LDHC: variants seen among roughly 807,000 people sequenced by gnomAD.
The protein encoded by LDHC is L-lactate dehydrogenase C chain.
A neutral mutation model predicts 30.2 loss-of-function variants in LDHC; 20 were observed. The ratio of observed to expected loss-of-function variants is 0.66; its 90% CI spans 0.47 to 0.96. The LOEUF (loss-of-function observed/expected upper bound fraction) is 0.96, where lower values mean the gene tolerates loss of function less well. Among genes scored for constraint, LDHC ranks in the 40% least tolerant of loss-of-function variants. The pLI is 0.00. For missense variants in LDHC, 362 were observed against 394.9 expected (o/e 0.92, Z 0.71); for synonymous variants, 139 against 132.7 (o/e 1.05, Z -0.32).
Position 18,446,190 on chromosome 11 carries a change from C to T in LDHC, c.711-20C>T, listed in dbSNP as rs768504627. On this transcript the variant is annotated intron_variant, in intron 6 of 7. Transcript: ENST00000541669. The stretch of plus-strand genomic sequence containing the variant: ...GTTGACTTATTATGAATTTGATTTT[C>T]TTACTTTCTACAACTGTAGTGCCTA... 35 of 1,585,516 alleles carry T rather than the reference C, an allele frequency of 2.2e-5. No homozygotes were observed. Among genetic ancestry groups the T allele is most frequent in the Non-Finnish European group, 2.8e-5 (33 of 1,158,580 alleles).
chr11:18,434,452 C>A (rs1189288823), intron 4 of LDHC, among the ~76,000 whole-genome samples: 1 of 152,094 alleles, frequency 6.6e-6, no homozygotes, highest in Non-Finnish European at 1.5e-5. Context: ...GCTGGGAATG[C>A]AGGTGTGTGC....
chr11:18,449,687 C>T (rs1848621823), intron 7 of LDHC, among the ~76,000 whole-genome samples: 1 of 152,086 alleles, frequency 6.6e-6, no homozygotes, highest in Non-Finnish European at 1.5e-5. Context: ...AATGAGGGAG[C>T]TGGACTATGG....
chr11:18,443,460 CTT>C (rs34546967), intron 6 of LDHC, among the ~76,000 whole-genome samples: 42 of 135,694 alleles, frequency 3.1e-4, no homozygotes, highest in African/African-American at 3.1e-4. Flanking sequence ...TTCTTTCTTT[CTT>C]TTTTTTTTTT....
chr11:18,447,383 C>T (rs142676548), intron 7 of LDHC, among the ~76,000 whole-genome samples: 14,903 of 152,118 alleles, frequency 0.098, 841 homozygotes, highest in Admixed American at 0.15. Context: ...AATCTGCCTG[C>T]CTCAGCCTCC....
intron 3 of LDHC, among the ~76,000 whole-genome samples, chr11:18,426,526 C>CA (rs33993685): frequency 0.53 from 58,764 of 111,398 alleles, 16,169 homozygotes; most frequent in South Asian, 0.65. Context: ...GACTCCGTCT[C>CA]AAAAAAAAAA....
Position 18,412,853 on chromosome 11 carries a change from A to G in LDHC, c.126+10A>G. 6.2e-7 allele frequency: 1 copy of G among 1,610,882 alleles called. No homozygotes were observed. Among genetic ancestry groups the G allele is most frequent in the African/African-American group, 1.3e-5 (1 of 74,896 alleles). Reference sequence around the variant, plus strand: ...TAGTATCTTACTGAAGGTGAGTGAGAAGCCCATCCTGTGGCTGAAAATCAA... The same window carrying G: ...TAGTATCTTACTGAAGGTGAGTGAGGAGCCCATCCTGTGGCTGAAAATCAA... On this transcript the variant is annotated intron_variant, in intron 2 of 7. Transcript: ENST00000541669.
chr11:18,443,095 C>T (rs1322023874), intron 6 of LDHC, among the ~76,000 whole-genome samples: 2 of 151,998 alleles, frequency 1.3e-5, no homozygotes, highest in East Asian at 3.8e-4. Flanking sequence ...TTAAGGGAAC[C>T]TACAAATGCT....
intron 6 of LDHC, among the ~76,000 whole-genome samples, chr11:18,445,798 C>T (rs993181949): frequency 6.6e-6 from 1 of 152,114 alleles, no homozygotes; most frequent in South Asian, 2.1e-4. Flanking sequence ...TGGCGAAACC[C>T]TGTATCTACA....
chr11:18,416,954 G>T (rs886141145), intron 3 of LDHC, among the ~76,000 whole-genome samples: 2 of 152,054 alleles, frequency 1.3e-5, no homozygotes, highest in African/African-American at 4.8e-5. Context: ...TACAATCTCA[G>T]CTCACCACAA....
rs549100125 is a variant in LDHC, at chr11:18,413,721, A to G, written c.126+878A>G. On this transcript the variant is annotated intron_variant, in intron 2 of 7. Transcript: ENST00000541669. ...CGTGATCCGCCTGCCTCAGCCTCCC[A>G]AAGTGCTGGGATTACAGGCATGAGC... Among the ~76,000 whole-genome samples the G allele has an allele frequency of 1.6e-3, 250 of 151,992 alleles. 2 individuals are homozygous for G. In the Middle Eastern group the frequency reaches 0.024, roughly 14 times the overall value.
At chr11:18,431,845 C>T (rs928426361) in intron 4 of LDHC, among the ~76,000 whole-genome samples, 8 of 152,144 alleles carry the variant, frequency 5.3e-5, no homozygotes, top group Non-Finnish European at 8.8e-5. Context: ...CCACTGCACC[C>T]GGCCTGCTCT....
chr11:18,443,819 C>T (rs1848505968), intron 6 of LDHC, among the ~76,000 whole-genome samples: 1 of 152,180 alleles, frequency 6.6e-6, no homozygotes, highest in Non-Finnish European at 1.5e-5. Flanking sequence ...TCACATTTCC[C>T]ATTGAAGTCC....
chr11:18,432,328 C>T (rs895286047), intron 4 of LDHC, among the ~76,000 whole-genome samples: 1 of 152,108 alleles, frequency 6.6e-6, no homozygotes, highest in African/African-American at 2.4e-5. Flanking sequence ...TCTGAGAGTG[C>T]TTGATATAAT....
chr11:18,434,449 A>ATGCAGG (rs1295996990), intron 4 of LDHC, among the ~76,000 whole-genome samples: 1 of 152,050 alleles, frequency 6.6e-6, no homozygotes, highest in Non-Finnish European at 1.5e-5. Context: ...GTAGCTGGGA[A>ATGCAGG]TGCAGGTGTG....
chr11:18,449,954 T>C (rs918438794), intron 7 of LDHC, among the ~76,000 whole-genome samples: 1 of 151,678 alleles, frequency 6.6e-6, no homozygotes, highest in African/African-American at 2.4e-5. Context: ...CCCTCCCTTC[T>C]CCCACAACCC....
intron 6 of LDHC, among the ~76,000 whole-genome samples, chr11:18,439,317 C>A (rs941400649): frequency 2.6e-5 from 4 of 152,122 alleles, no homozygotes; most frequent in African/African-American, 4.8e-5. Context: ...AATTCCAGCG[C>A]TTTGGGAGGC....
chr11:18,447,643 G>A (rs1457895485), intron 7 of LDHC, among the ~76,000 whole-genome samples: 1 of 152,218 alleles, frequency 6.6e-6, no homozygotes, highest in East Asian at 1.9e-4. Context: ...GTCTGTGAAT[G>A]AGATTGAATA....
intron 4 of LDHC, among the ~76,000 whole-genome samples, chr11:18,433,970 C>T (rs1465362385): frequency 6.6e-6 from 1 of 152,168 alleles, no homozygotes; most frequent in African/African-American, 2.4e-5. Context: ...TTATTGTAAT[C>T]CCAGACATCC....
At chr11:18,424,999 T>C (rs1848136398) in intron 3 of LDHC, among the ~76,000 whole-genome samples, 1 of 152,128 alleles carries the variant, frequency 6.6e-6, no homozygotes, top group African/African-American at 2.4e-5. Flanking sequence ...TAGAGCCATC[T>C]CAAAACAAAA....
Sources: allele counts gnomAD v4.1 joint callset (sites outside exome capture counted in the v4.1 genomes callset), GRCh38; gene constraint gnomAD v4.1.1; transcripts MANE v1.5; gene names NCBI Gene and HGNC (gene_info 2026-07-23, HGNC 2026-07-21).